The following NLGN1 variants were observed in gnomAD, a reference collection of about 807,000 sequenced individuals.
NLGN1 encodes neuroligin 1.
NLGN1 carries 12 observed loss-of-function variants against 65.5 expected under a neutral mutation model. That is an observed-to-expected ratio of 0.18 (90% CI 0.12 to 0.30). The LOEUF (loss-of-function observed/expected upper bound fraction) is 0.30, where lower values mean the gene tolerates loss of function less well. NLGN1 is among the 10% of genes least tolerant of loss of function. The pLI, the probability that NLGN1 is intolerant of heterozygous loss-of-function variation, is 1.00. For missense variants in NLGN1, 750 were observed against 1,007.1 expected (o/e 0.74, Z 3.46); for synonymous variants, 350 against 359.5 (o/e 0.97, Z 0.30).
At chr3:173,475,217 A>G (rs1725990027) in intron 2 of NLGN1, among the ~76,000 whole-genome samples, 1 of 152,174 alleles carries the variant, frequency 6.6e-6, no homozygotes, top group Non-Finnish European at 1.5e-5. Context: ...AACTAACGTT[A>G]TTTCAATTAC....
intron 2 of NLGN1, among the ~76,000 whole-genome samples, chr3:173,507,575 G>T (rs1488857026): frequency 2.6e-5 from 4 of 151,980 alleles, no homozygotes; most frequent in Non-Finnish European, 4.4e-5. Flanking sequence ...CTTTGTGATT[G>T]TTTTCAGGTA....
intron 4 of NLGN1, among the ~76,000 whole-genome samples, chr3:173,857,455 A>T (rs908494264): frequency 6.6e-6 from 1 of 151,998 alleles, no homozygotes; most frequent in African/African-American, 2.4e-5. Flanking sequence ...TTCAAAACCC[A>T]ATACGTTTTC....
chr3:173,441,394 A>G (rs980118289), intron 2 of NLGN1, among the ~76,000 whole-genome samples: 2 of 152,188 alleles, frequency 1.3e-5, no homozygotes, highest in African/African-American at 4.8e-5. Context: ...GGTTTTAGGC[A>G]TCCCTTCCTC....
At chr3:173,409,560 A>G (rs1319245367) in intron 1 of NLGN1, among the ~76,000 whole-genome samples, 1 of 152,144 alleles carries the variant, frequency 6.6e-6, no homozygotes, top group African/African-American at 2.4e-5. Context: ...CCCCATTTCC[A>G]ACTCCTGATT....
In NLGN1 at chr3:173,491,851, G is replaced by A. The variant is rs1229170238; in HGVS notation, c.-321+56773G>A. 3.3e-5 allele frequency among the ~76,000 whole-genome samples: 5 copies of A among 151,620 alleles called. 1 individual carries two copies. Among genetic ancestry groups the A allele is most frequent in the African/African-American group, 9.7e-5 (4 of 41,048 alleles). On this transcript the variant is annotated intron_variant, in intron 2 of 6. Coordinates refer to ENST00000457714, the Ensembl canonical transcript of NLGN1. ...GAATCACATGCTGAAGCCAGTTTTA[G>A]GAGTCATCCTAAGTTGCCATTAACC...
intron 4 of NLGN1, among the ~76,000 whole-genome samples, chr3:173,833,563 A>G (rs756321767): frequency 1.3e-5 from 2 of 151,912 alleles, no homozygotes; most frequent in Non-Finnish European, 2.9e-5. Context: ...TTTCTTGTCC[A>G]GGCTGGTGTG....
At chr3:173,826,674 AG>A (rs1254939568) in intron 4 of NLGN1, among the ~76,000 whole-genome samples, 1 of 152,086 alleles carries the variant, frequency 6.6e-6, no homozygotes, top group East Asian at 1.9e-4. Flanking sequence ...AATTTATCAT[AG>A]GCTAGATATT....
chr3:173,784,418 C>T (rs1177489369), intron 3 of NLGN1, among the ~76,000 whole-genome samples: 2 of 152,106 alleles, frequency 1.3e-5, no homozygotes, highest in Non-Finnish European at 2.9e-5. Flanking sequence ...TTATCTACCT[C>T]CTCTCCCACA....
intron 4 of NLGN1, among the ~76,000 whole-genome samples, chr3:173,925,093 T>C (rs1295092696): frequency 6.6e-6 from 1 of 152,104 alleles, no homozygotes; most frequent in Non-Finnish European, 1.5e-5. Context: ...TCAAACCTAT[T>C]TTTTTCTTTT....
intron 4 of NLGN1, among the ~76,000 whole-genome samples, chr3:174,012,226 C>T (rs1725708256): frequency 6.6e-6 from 1 of 152,126 alleles, no homozygotes; most frequent in African/African-American, 2.4e-5. Flanking sequence ...ATACTTACAC[C>T]CCAGTCTCAG....
At chr3:173,765,846 A>C (rs1434709524) in intron 3 of NLGN1, among the ~76,000 whole-genome samples, 5 of 152,094 alleles carry the variant, frequency 3.3e-5, no homozygotes, top group Admixed American at 1.3e-4. Flanking sequence ...ATACATACTC[A>C]TCTGCTTCAA....
intron 4 of NLGN1, among the ~76,000 whole-genome samples, chr3:174,020,573 A>G (rs1727554509): frequency 6.6e-6 from 1 of 152,078 alleles, no homozygotes; most frequent in Non-Finnish European, 1.5e-5. Flanking sequence ...AAGGAAATAT[A>G]TTTTAGTAAC....
chr3:174,223,882 G>A (rs1051669165), intron 4 of NLGN1, among the ~76,000 whole-genome samples: 1 of 152,086 alleles, frequency 6.6e-6, no homozygotes, highest in South Asian at 2.1e-4. Context: ...GAGTTAATGA[G>A]ACTGTATTGT....
chr3:174,278,013 T>C (rs1172686679), intron 5 of NLGN1, among the ~76,000 whole-genome samples: 1 of 151,992 alleles, frequency 6.6e-6, no homozygotes, highest in East Asian at 1.9e-4. Context: ...GTTTGTAAAT[T>C]TGAATGACAT....
chr3:173,957,828 G>T (rs1056452172), intron 4 of NLGN1, among the ~76,000 whole-genome samples: 11 of 152,152 alleles, frequency 7.2e-5, no homozygotes, highest in African/African-American at 2.7e-4. Flanking sequence ...GGCCTGCTGG[G>T]CTCCTTCTGC....
At chr3:173,739,279 G>T (rs1023184537) in intron 3 of NLGN1, among the ~76,000 whole-genome samples, 4 of 151,986 alleles carry the variant, frequency 2.6e-5, no homozygotes, top group Non-Finnish European at 4.4e-5. Context: ...GCATTTACTT[G>T]GTAGGCATTG....
chr3:173,632,837 G>GTTTTTTTTTT (rs59210572), intron 3 of NLGN1, among the ~76,000 whole-genome samples: 1 of 117,808 alleles, frequency 8.5e-6, no homozygotes, highest in African/African-American at 3.0e-5. Flanking sequence ...CTTGAGTAGT[G>GTTTTTTTTTT]TTTTTTTTTT....
chr3:174,079,664 A>T (rs1741732906), intron 4 of NLGN1, among the ~76,000 whole-genome samples: 1 of 152,218 alleles, frequency 6.6e-6, no homozygotes, highest in South Asian at 2.1e-4. Context: ...TCTGGATTTT[A>T]AAAAATGTGG....
chr3:173,814,936 G>A (rs1375447978), intron 4 of NLGN1, among the ~76,000 whole-genome samples: 1 of 152,060 alleles, frequency 6.6e-6, no homozygotes, highest in African/African-American at 2.4e-5. Flanking sequence ...TAGAAACACA[G>A]AGCAGTTTCC....
Sources: allele counts gnomAD v4.1 joint callset (sites outside exome capture counted in the v4.1 genomes callset), GRCh38; gene constraint gnomAD v4.1.1; transcripts MANE v1.5; gene names NCBI Gene and HGNC (gene_info 2026-07-23, HGNC 2026-07-21).